The following CDC42SE2 variants were observed in gnomAD, a reference collection of about 807,000 sequenced individuals.
The protein encoded by CDC42SE2 is CDC42 small effector protein 2.
A neutral mutation model predicts 11.5 loss-of-function variants in CDC42SE2; 3 were observed. That is an observed-to-expected ratio of 0.26 (90% CI 0.12 to 0.67). The LOEUF (loss-of-function observed/expected upper bound fraction) is 0.67. Ranked by LOEUF, CDC42SE2 falls within the 30% of genes least tolerant of loss-of-function variation. CDC42SE2 has a pLI of 0.80. For missense variants in CDC42SE2, 82 were observed against 106.8 expected, an observed-to-expected ratio of 0.77 and a Z score of 1.02; for synonymous variants, 33 against 34.8, an observed-to-expected ratio of 0.95 and a Z score of 0.18.
In CDC42SE2 at chr5:131,394,622, C is replaced by T. The variant is rs1750796788; in HGVS notation, c.*3531C>T. ...TGAGTTCTGTGTTGGCTTGTAGATA[C>T]TAAAAAGAAAGTATTGATTTTGATT... On this transcript the variant is annotated 3_prime_UTR_variant, in exon 5 of 5. Coordinates refer to ENST00000505065, the MANE Select transcript of CDC42SE2 (RefSeq NM_001375635.1). 6.6e-6 allele frequency: 1 copy of T among 152,370 alleles called. No individual in the cohort carries two copies. Among genetic ancestry groups the T allele is most frequent in the Middle Eastern group, 3.4e-3 (1 of 294 alleles). 9.4% of individuals were successfully genotyped at this position (152,370 alleles called of 1,614,324 possible). A position where few individuals can be genotyped will look rare whatever the true frequency, so the allele number is the denominator to read the frequency against.
chr5:131,387,487 G>A (rs1750522878), intron 4 of CDC42SE2, among the ~76,000 whole-genome samples: 1 of 152,254 alleles, frequency 6.6e-6, no homozygotes, highest in Admixed American at 6.5e-5. Flanking sequence ...GGAGGGGGGA[G>A]GTTGCAGTGA....
At chr5:131,303,884 G>A (rs1165703744) in intron 1 of CDC42SE2, among the ~76,000 whole-genome samples, 4 of 152,040 alleles carry the variant, frequency 2.6e-5, no homozygotes, top group Non-Finnish European at 5.9e-5. Context: ...CAATATGATG[G>A]AACTGAGACT....
intron 1 of CDC42SE2, among the ~76,000 whole-genome samples, chr5:131,248,967 T>C (rs978373197): frequency 1.3e-5 from 2 of 150,888 alleles, no homozygotes; most frequent in African/African-American, 2.4e-5. Context: ...TACTCTAAAA[T>C]ATATATATTG....
the CDC42SE2 span, among the ~76,000 whole-genome samples, chr5:131,222,742 G>A: frequency 6.6e-6 from 1 of 152,192 alleles, no homozygotes; most frequent in African/African-American, 2.4e-5. Flanking sequence ...AGTGAGATAT[G>A]CATTGGTGTG....
chr5:131,390,943 C>A, intron 4 of CDC42SE2, 50 bp from the exon 5 acceptor site: 1 of 1,225,096 alleles, frequency 8.2e-7, no homozygotes, highest in Non-Finnish European at 1.2e-6. Flanking sequence ...TTGCACCGGA[C>A]CTACTTCCTG....
At chr5:131,244,703 C>A (rs555524732), upstream of CDC42SE2, among the ~76,000 whole-genome samples, 2 of 151,990 alleles carry the variant, frequency 1.3e-5, no homozygotes, top group Admixed American at 1.3e-4. Flanking sequence ...AGAGTGAGAC[C>A]CTATCTCAAA....
chr5:131,345,553 G>C (rs192107444), intron 2 of CDC42SE2, among the ~76,000 whole-genome samples: 120 of 152,252 alleles, frequency 7.9e-4, no homozygotes, highest in African/African-American at 2.8e-3. Flanking sequence ...GGGGAGAATG[G>C]AACCAAGCTG....
At chr5:131,250,982 G>A (rs1756634347) in intron 1 of CDC42SE2, among the ~76,000 whole-genome samples, 1 of 152,258 alleles carries the variant, frequency 6.6e-6, no homozygotes, top group Admixed American at 6.5e-5. Flanking sequence ...AGAGAGGGAA[G>A]TAGGGTTATA....
chr5:131,369,108 G>A (rs1054600810), intron 3 of CDC42SE2, among the ~76,000 whole-genome samples: 1 of 152,038 alleles, frequency 6.6e-6, no homozygotes, highest in Non-Finnish European at 1.5e-5. Flanking sequence ...TGTGTTTTAC[G>A]ATTTTACCAT....
At position 131,286,385 on chromosome 5, in the gene CDC42SE2, G is replaced by GTTTT. The variant is rs33983324; in HGVS notation, c.-455+22239_-455+22242dup. Among the ~76,000 whole-genome samples, 26 of 115,054 alleles carry GTTTT rather than the reference G, an allele frequency of 2.3e-4. 1 individual carries two copies. Among genetic ancestry groups the GTTTT allele is most frequent in the African/African-American group, 6.2e-4 (18 of 29,068 alleles). 75.5% of individuals were successfully genotyped at this position (115,054 alleles called of 152,430 possible). ...AGGCATGAGCAAATGCACCTGGCCA[G>GTTTT]TTTTTTTTTTTTTTTTTTTTTTTAA... On this transcript the variant is annotated intron_variant, in intron 1 of 4. Coordinates refer to ENST00000505065, the MANE Select transcript of CDC42SE2 (RefSeq NM_001375635.1).
upstream of CDC42SE2, among the ~76,000 whole-genome samples, chr5:131,260,226 T>C (rs1756711504): frequency 6.6e-6 from 1 of 152,226 alleles, no homozygotes; most frequent in Non-Finnish European, 1.5e-5. Context: ...TAACTAATTA[T>C]GCAGCAGAAT....
chr5:131,329,624 A>G (rs552634689), intron 2 of CDC42SE2, among the ~76,000 whole-genome samples: 14 of 152,056 alleles, frequency 9.2e-5, no homozygotes, highest in South Asian at 2.1e-4. Flanking sequence ...CACACCTGTA[A>G]TCCTAGCACT....
intron 1 of CDC42SE2, among the ~76,000 whole-genome samples, chr5:131,296,130 A>G (rs1757567852): frequency 2.0e-5 from 3 of 152,226 alleles, no homozygotes. Flanking sequence ...ATAACTGTCT[A>G]GCCTAGATAC....
At chr5:131,242,500 C>T (rs1045801661), upstream of CDC42SE2, among the ~76,000 whole-genome samples, 1 of 152,038 alleles carries the variant, frequency 6.6e-6, no homozygotes, top group African/African-American at 2.4e-5. Flanking sequence ...AATTTTATGA[C>T]TCCTTTTTTT....
At chr5:131,345,859 A>G (rs1187828131) in intron 2 of CDC42SE2, among the ~76,000 whole-genome samples, 2 of 152,080 alleles carry the variant, frequency 1.3e-5, no homozygotes, top group Admixed American at 6.5e-5. Flanking sequence ...ATTCTTAAAG[A>G]AAAGAATTTT....
intron 2 of CDC42SE2, among the ~76,000 whole-genome samples, chr5:131,349,696 A>G (rs1427285687): frequency 6.6e-6 from 1 of 152,228 alleles, no homozygotes; most frequent in Non-Finnish European, 1.5e-5. Flanking sequence ...ATGAAGTCAC[A>G]TGATGGAAAT....
chr5:131,338,438 G>A (rs983834251), intron 2 of CDC42SE2, among the ~76,000 whole-genome samples: 9 of 152,276 alleles, frequency 5.9e-5, no homozygotes, highest in South Asian at 4.1e-4. Context: ...CTAGTGTTTC[G>A]TAGGCAGTTC....
At chr5:131,221,689 A>C in the CDC42SE2 span, among the ~76,000 whole-genome samples, 3 of 151,760 alleles carry the variant, frequency 2.0e-5, no homozygotes, top group African/African-American at 4.8e-5. Context: ...CTATTTCAGG[A>C]TGGAGAAGCT....
intron 1 of CDC42SE2, among the ~76,000 whole-genome samples, chr5:131,298,206 G>T (rs184689395): frequency 6.6e-6 from 1 of 151,458 alleles, no homozygotes; most frequent in Non-Finnish European, 1.5e-5. Flanking sequence ...GGGTTCAAGC[G>T]GTTCTCCTGC....
Sources: allele counts gnomAD v4.1 joint callset (sites outside exome capture counted in the v4.1 genomes callset), GRCh38; gene constraint gnomAD v4.1.1; transcripts MANE v1.5; gene names NCBI Gene and HGNC (gene_info 2026-07-23, HGNC 2026-07-21).